The following DPP6 variants were observed in gnomAD, a reference collection of about 807,000 sequenced individuals.
DPP6 encodes A-type potassium channel modulatory protein DPP6.
DPP6 carries 69 observed loss-of-function variants against 122.6 expected under a neutral mutation model. That is an observed-to-expected ratio of 0.56 (90% CI 0.46 to 0.69). The LOEUF is 0.69. Ranked by LOEUF, DPP6 falls within the 30% of genes least tolerant of loss-of-function variation. DPP6 has a pLI of 0.00. For missense variants in DPP6, 928 were observed against 1,116.9 expected (o/e 0.83, Z 2.41); for synonymous variants, 418 against 433.1 (o/e 0.97, Z 0.43).
chr7:154,772,773 G>A (rs1469798313), intron 9 of DPP6, 72 bp from the exon 10 acceptor site: 2 of 1,560,582 alleles, frequency 1.3e-6, no homozygotes, highest in East Asian at 2.4e-5. Context: ...TCCCAGGAAA[G>A]GCTTTGCAGA....
rs1840923522 is a variant in DPP6 at position 154,707,914 on chromosome 7, A to T, written c.763-19853A>T. On this transcript the variant is annotated intron_variant, in intron 7 of 25. Coordinates refer to ENST00000377770, the MANE Select transcript of DPP6 (RefSeq NM_130797.4). ...CTCCCAACATGTGGGAATTATGGGA[A>T]CTACAATTCAAGATGAGATTTGGGT... Among the ~76,000 whole-genome samples the T allele has an allele frequency of 3.3e-5, 5 of 152,204 alleles. No homozygotes were observed. The South Asian group carries it at 1.0e-3, about 32-fold the overall frequency.
chr7:153,791,969 GC>G, the DPP6 span, among the ~76,000 whole-genome samples: 16 of 152,206 alleles, frequency 1.1e-4, no homozygotes, highest in Non-Finnish European at 2.2e-4. Flanking sequence ...TTCTGGGTTT[GC>G]CCATGTGCTC....
At chr7:154,090,932 AAC>A (rs1242427422) in intron 1 of DPP6, among the ~76,000 whole-genome samples, 1 of 149,220 alleles carries the variant, frequency 6.7e-6, no homozygotes, top group Non-Finnish European at 1.5e-5. Flanking sequence ...CATCCTGGCT[AAC>A]ACAGTGAAAC....
intron 1 of DPP6, among the ~76,000 whole-genome samples, chr7:154,089,373 A>C (rs1019651627): frequency 7.2e-6 from 1 of 138,300 alleles, no homozygotes; most frequent in Non-Finnish European, 1.5e-5. Flanking sequence ...GTCAGCAAAG[A>C]ATGTGGATTT....
intron 1 of DPP6, among the ~76,000 whole-genome samples, chr7:153,952,530 G>A (rs531957495): frequency 2.0e-5 from 3 of 152,258 alleles, no homozygotes; most frequent in African/African-American, 4.8e-5. Flanking sequence ...AAGGGTAATC[G>A]CATTTTCCAA....
intron 2 of DPP6, among the ~76,000 whole-genome samples, chr7:154,463,190 CTTTTCTTTTTTTTTTTTTTTTT>C (rs1821448180): frequency 8.8e-6 from 1 of 114,176 alleles, no homozygotes; most frequent in Non-Finnish European, 1.8e-5. Context: ...TTTACTTCTC[CTTTTCTTTTTTTTTTTTTTTTT>C]TTTTTTTTTT....
chr7:153,786,461 C>T, the DPP6 span, among the ~76,000 whole-genome samples: 292 of 148,294 alleles, frequency 2.0e-3, no homozygotes, highest in African/African-American at 7.2e-3. Flanking sequence ...TACTACTGGC[C>T]GGGCACAGTG....
chr7:153,892,411 T>C (rs1031522397), intron 1 of DPP6, among the ~76,000 whole-genome samples: 5 of 152,200 alleles, frequency 3.3e-5, no homozygotes, highest in South Asian at 2.1e-4. Flanking sequence ...CCTCCCAGGT[T>C]CAAGCAATCC....
chr7:154,337,843 C>T (rs576755938), intron 1 of DPP6, among the ~76,000 whole-genome samples: 1 of 152,312 alleles, frequency 6.6e-6, no homozygotes, highest in Non-Finnish European at 1.5e-5. Context: ...TTGCAGTTTG[C>T]TGGGCTGATT....
At chr7:154,761,719 ATTT>A (rs1000578879) in intron 8 of DPP6, among the ~76,000 whole-genome samples, 4 of 151,400 alleles carry the variant, frequency 2.6e-5, no homozygotes, top group Admixed American at 2.6e-4. Context: ...GTTTTATTTT[ATTT>A]TTATTTTTTA....
chr7:154,572,871 G>C (rs1831216700), intron 5 of DPP6, among the ~76,000 whole-genome samples: 1 of 151,562 alleles, frequency 6.6e-6, no homozygotes, highest in Non-Finnish European at 1.5e-5. Context: ...GTATAGACAG[G>C]GTTTCACCAT....
At chr7:154,018,916 T>C (rs1009319110) in intron 1 of DPP6, among the ~76,000 whole-genome samples, 1 of 152,048 alleles carries the variant, frequency 6.6e-6, no homozygotes, top group African/African-American at 2.4e-5. Flanking sequence ...TTCTCAAATA[T>C]CTCCTTCCCC....
intron 1 of DPP6, among the ~76,000 whole-genome samples, chr7:154,412,791 C>A (rs560482276): frequency 3.9e-5 from 6 of 152,308 alleles, no homozygotes; most frequent in Admixed American, 3.3e-4. Flanking sequence ...TATTCCCTGG[C>A]CTCTGCCCTG....
chr7:154,275,547 A>G (rs185344136), intron 1 of DPP6, among the ~76,000 whole-genome samples: 129 of 152,302 alleles, frequency 8.5e-4, no homozygotes, highest in Admixed American at 3.5e-3. Flanking sequence ...CAAAAAGCAA[A>G]CTATGTTGCA....
intron 16 of DPP6, among the ~76,000 whole-genome samples, chr7:154,829,252 A>G (rs1800431058): frequency 6.6e-6 from 1 of 151,744 alleles, no homozygotes; most frequent in African/African-American, 2.4e-5. Flanking sequence ...CCATGGTGTC[A>G]TGCACCCATA....
chr7:154,329,781 A>C (rs1027663457), intron 1 of DPP6, among the ~76,000 whole-genome samples: 2 of 152,224 alleles, frequency 1.3e-5, no homozygotes, highest in African/African-American at 4.8e-5. Flanking sequence ...ACCAACCCAA[A>C]TGCCCATCAA....
At chr7:154,112,940 G>C (rs1806700172) in intron 1 of DPP6, among the ~76,000 whole-genome samples, 1 of 152,120 alleles carries the variant, frequency 6.6e-6, no homozygotes, top group South Asian at 2.1e-4. Flanking sequence ...CTCTGTACAA[G>C]TCTGCCTGCT....
chr7:154,164,174 G>C (rs1024846718), intron 1 of DPP6, among the ~76,000 whole-genome samples: 1 of 148,190 alleles, frequency 6.7e-6, no homozygotes, highest in Non-Finnish European at 1.5e-5. Context: ...TATGGTCTAA[G>C]AGTCTTCCCT....
At chr7:154,526,884 C>A (rs1827449822) in intron 3 of DPP6, among the ~76,000 whole-genome samples, 2 of 152,284 alleles carry the variant, frequency 1.3e-5, no homozygotes, top group South Asian at 4.1e-4. Flanking sequence ...CGAAAAATTT[C>A]AGAATTGGAG....
Sources: gnomAD v4.1 joint callset for allele counts (sites outside exome capture counted in the v4.1 genomes callset) on GRCh38, gnomAD v4.1.1 for gene constraint, MANE v1.5 for transcripts, NCBI Gene and HGNC (gene_info 2026-07-23, HGNC 2026-07-21) for gene names.